Variants in ESR1 observed in about 807,000 individuals in gnomAD.
The protein encoded by ESR1 is estrogen receptor.
A neutral mutation model predicts 52.7 loss-of-function variants in ESR1; 12 were observed. That is an observed-to-expected ratio of 0.23 (90% confidence interval 0.15 to 0.37). The LOEUF (loss-of-function observed/expected upper bound fraction) is 0.37, where lower values mean the gene tolerates loss of function less well. Among genes scored for constraint, ESR1 ranks in the 10% least tolerant of loss-of-function variants. ESR1 has a pLI of 1.00. For synonymous variants in ESR1, 305 were observed against 316.8 expected (o/e 0.96, Z 0.39); for missense variants, 584 against 779.7 (o/e 0.75, Z 2.99).
chr6:151,724,722 T>C (rs1781714664), intron 2 of ESR1, among the ~76,000 whole-genome samples: 1 of 152,200 alleles, frequency 6.6e-6, no homozygotes, highest in Non-Finnish European at 1.5e-5. Flanking sequence ...AACTCCATCC[T>C]GAAGACAGAT....
At chr6:151,866,196 A>C (rs976360993) in intron 2 of ESR1, among the ~76,000 whole-genome samples, 2 of 152,272 alleles carry the variant, frequency 1.3e-5, no homozygotes, top group Non-Finnish European at 2.9e-5. Flanking sequence ...CATGCAAATA[A>C]ATATAGAACA....
At chr6:151,815,632 A>C (rs1019395893) in intron 1 of ESR1, among the ~76,000 whole-genome samples, 1 of 152,242 alleles carries the variant, frequency 6.6e-6, no homozygotes, top group Admixed American at 6.5e-5. Flanking sequence ...AAAGGACTCC[A>C]CACAGCATTC....
chr6:151,757,296 C>A (rs1234389377), intron 2 of ESR1, among the ~76,000 whole-genome samples: 1 of 152,012 alleles, frequency 6.6e-6, no homozygotes, highest in Non-Finnish European at 1.5e-5. Flanking sequence ...TTAACTCTGA[C>A]CTTAGAAGAC....
intron 2 of ESR1, among the ~76,000 whole-genome samples, chr6:151,752,392 T>C (rs762373532): frequency 6.6e-6 from 1 of 152,196 alleles, no homozygotes; most frequent in Non-Finnish European, 1.5e-5. Context: ...ACATTTAAAC[T>C]GCATTATTTT....
At chr6:151,828,301 A>G (rs975016751) in intron 1 of ESR1, among the ~76,000 whole-genome samples, 5 of 152,254 alleles carry the variant, frequency 3.3e-5, no homozygotes, top group African/African-American at 1.2e-4. Flanking sequence ...TGCTGCTCAT[A>G]GGCATAACAG....
At chr6:151,695,984 C>T (rs930345231) in intron 1 of ESR1, among the ~76,000 whole-genome samples, 7 of 152,114 alleles carry the variant, frequency 4.6e-5, no homozygotes, top group African/African-American at 9.7e-5. Context: ...TTTTGGAAAT[C>T]GTACCTGCAT....
intron 2 of ESR1, among the ~76,000 whole-genome samples, chr6:151,743,920 C>T (rs568924216): frequency 3.9e-5 from 6 of 152,180 alleles, no homozygotes; most frequent in Non-Finnish European, 8.8e-5. Flanking sequence ...CTTCCCATTT[C>T]CCCGGCCCCT....
chr6:151,808,331 C>T lies in ESR1; in HGVS notation c.419C>T (p.Thr140Met), dbSNP rs759765625. ...CTGGAGAACGAGCCCAGCGGCTACACGGTGCGCGAGGCCGGCCCGCCGGCA... is the reference window on the plus strand; with the variant it reads ...CTGGAGAACGAGCCCAGCGGCTACATGGTGCGCGAGGCCGGCCCGCCGGCA... Reference protein sequence around the residue: ...YYLENEPSGYTVREAGPPAFY... With the variant: ...YYLENEPSGYMVREAGPPAFY... Residue 140 changes from threonine (T) to methionine (M), a missense_variant, in exon 1 of 8, where the codon ACG (threonine) becomes ATG (methionine). Physicochemically the swap from Thr to Met is moderately conservative, Grantham distance 81 (BLOSUM62 -1). This residue lies in a region of ESR1 where 251 missense variants were observed against 246.1 expected (regional missense o/e 1.02). Coordinates refer to ENST00000206249, the MANE Select transcript of ESR1 (RefSeq NM_000125.4). 4 of 1,337,742 alleles carry T rather than the reference C, an allele frequency of 3.0e-6. No homozygotes were observed. The highest frequency in any genetic ancestry group is 2.5e-5 in the South Asian group (2 of 78,980). 82.9% of individuals were successfully genotyped at this position (1,337,742 alleles called of 1,614,324 possible). A position where few individuals can be genotyped will look rare whatever the true frequency, so the allele number is the denominator to read the frequency against.
At chr6:151,686,456 C>A (rs559536631), upstream of ESR1, among the ~76,000 whole-genome samples, 2 of 152,038 alleles carry the variant, frequency 1.3e-5, no homozygotes, top group African/African-American at 4.8e-5. Context: ...GAGGCCGAGG[C>A]GGCCGGATCA....
At chr6:151,685,279 G>A (rs909388856) in intron 1 of ESR1, among the ~76,000 whole-genome samples, 2 of 150,906 alleles carry the variant, frequency 1.3e-5, no homozygotes, top group Admixed American at 6.6e-5. Flanking sequence ...GACTACAGGC[G>A]CCCGCCACCG....
intron 6 of ESR1, among the ~76,000 whole-genome samples, chr6:152,124,181 C>T (rs1186095661): frequency 6.6e-6 from 1 of 152,142 alleles, no homozygotes; most frequent in Non-Finnish European, 1.5e-5. Flanking sequence ...TGGCGTGTGC[C>T]TGTAGTCCCA....
intron 6 of ESR1, among the ~76,000 whole-genome samples, chr6:152,120,006 G>A (rs1429681987): frequency 6.6e-6 from 1 of 152,200 alleles, no homozygotes; most frequent in Non-Finnish European, 1.5e-5. Context: ...GGTTTCACAG[G>A]GTTTTGAGAA....
intron 2 of ESR1, among the ~76,000 whole-genome samples, chr6:151,773,970 CT>C (rs1372908008): frequency 6.6e-6 from 1 of 151,816 alleles, no homozygotes; most frequent in Admixed American, 6.6e-5. Context: ...AAAGAGAAAG[CT>C]TTCTGAAATA....
intron 3 of ESR1, among the ~76,000 whole-genome samples, chr6:151,909,307 T>C (rs931070257): frequency 6.6e-6 from 1 of 152,152 alleles, no homozygotes; most frequent in East Asian, 1.9e-4. Flanking sequence ...TTTAGTGAAC[T>C]AGGCCATGAC....
chr6:152,105,953 A>G (rs564024439), downstream of ESR1, among the ~76,000 whole-genome samples: 13 of 144,538 alleles, frequency 9.0e-5, no homozygotes, highest in African/African-American at 3.3e-4. Flanking sequence ...GCGCCCGGCT[A>G]ATTTTTTGTA....
chr6:152,000,129 A>G (rs1013599481), intron 4 of ESR1, among the ~76,000 whole-genome samples: 4 of 152,072 alleles, frequency 2.6e-5, no homozygotes, highest in African/African-American at 9.7e-5. Flanking sequence ...TACTTTTTAT[A>G]TATTCTTTCT....
chr6:151,969,240 G>T (rs865960127), intron 4 of ESR1, among the ~76,000 whole-genome samples: 12 of 152,030 alleles, frequency 7.9e-5, no homozygotes, highest in South Asian at 6.2e-4. Flanking sequence ...CCTACCATTG[G>T]TTTATTTTTA....
chr6:151,731,112 G>T (rs1247789099), intron 2 of ESR1, among the ~76,000 whole-genome samples: 3 of 152,082 alleles, frequency 2.0e-5, no homozygotes, highest in Non-Finnish European at 4.4e-5. Flanking sequence ...CCAGCACTTT[G>T]GGAGGCCGAG....
At position 152,070,773 on chromosome 6, in the gene ESR1, C is replaced by T. The variant is rs1211134217; in HGVS notation, c.1369+9649C>T. Among the ~76,000 whole-genome samples, 2 of 139,186 alleles carry T rather than the reference C, an allele frequency of 1.4e-5. 1 individual carries two copies. The highest frequency in any genetic ancestry group is 6.3e-5 in the African/African-American group (2 of 31,872). The allele number at this position is 139,186 out of a possible 152,430, so 91.3% of individuals were successfully genotyped here. A position where few individuals can be genotyped will look rare whatever the true frequency, so the allele number is the denominator to read the frequency against. ...CAGCTTCCACCTCTTCCAGCACTTT[C>T]CGCCAGAGGGCCCGTGGCTGCTTTT... is the stretch of plus-strand genomic sequence containing the variant. On this transcript the variant is annotated intron_variant, in intron 6 of 7. Coordinates refer to ENST00000206249, the MANE Select transcript of ESR1 (RefSeq NM_000125.4).
Sources: gnomAD v4.1 joint callset for allele counts (sites outside exome capture counted in the v4.1 genomes callset) on GRCh38, gnomAD v4.1.1 for gene constraint, gnomAD v4.1.1 regional missense constraint, MANE v1.5 for transcripts, NCBI Gene and HGNC (gene_info 2026-07-23, HGNC 2026-07-21) for gene names.